The following CNNM2 variants were observed in gnomAD, a reference collection of about 807,000 sequenced individuals.
The protein encoded by CNNM2 is metal transporter CNNM2.
In CNNM2, 12 loss-of-function variants were observed where a neutral mutation model predicts 66.9. That is an observed-to-expected ratio of 0.18 (90% confidence interval 0.11 to 0.29). The LOEUF (loss-of-function observed/expected upper bound fraction) is 0.29, where lower values mean the gene tolerates loss of function less well. Ranked by LOEUF, CNNM2 falls within the 10% of genes least tolerant of loss-of-function variation. CNNM2 has a pLI of 1.00. For missense variants in CNNM2, 705 were observed against 1,167.7 expected (o/e 0.60, Z 5.77); for synonymous variants, 557 against 501.8 (o/e 1.11, Z -1.47).
intron 5 of CNNM2, among the ~76,000 whole-genome samples, chr10:103,069,545 G>A (rs537360377): frequency 3.2e-4 from 48 of 152,314 alleles, no homozygotes; most frequent in Non-Finnish European, 5.3e-4. Flanking sequence ...GCCTGTGGCC[G>A]GCTCTTGTCT....
At chr10:103,071,518 T>C (rs538083312) in intron 5 of CNNM2, among the ~76,000 whole-genome samples, 3 of 152,300 alleles carry the variant, frequency 2.0e-5, no homozygotes, top group Admixed American at 1.3e-4. Flanking sequence ...CAATTGGTTA[T>C]TAGTGGCTTA....
chr10:103,002,889 A>G (rs750313152), intron 1 of CNNM2, among the ~76,000 whole-genome samples: 43 of 152,176 alleles, frequency 2.8e-4, no homozygotes, highest in Non-Finnish European at 5.4e-4. Flanking sequence ...TGACCCTGCA[A>G]TTCTGCTACT....
At chr10:103,041,979 C>T (rs2065048331) in intron 1 of CNNM2, among the ~76,000 whole-genome samples, 1 of 152,206 alleles carries the variant, frequency 6.6e-6, no homozygotes. Context: ...TAGCTTACCT[C>T]TGTGTCTCTC....
chr10:102,999,093 C>T (rs574527932), intron 1 of CNNM2, among the ~76,000 whole-genome samples: 20 of 147,426 alleles, frequency 1.4e-4, no homozygotes, highest in African/African-American at 4.2e-4. Flanking sequence ...TTTTTTGAGA[C>T]GGAGTCTTGC....
At chr10:103,063,833 T>C (rs903084003) in intron 4 of CNNM2, among the ~76,000 whole-genome samples, 3 of 152,200 alleles carry the variant, frequency 2.0e-5, no homozygotes, top group African/African-American at 4.8e-5. Context: ...GTAAAATCAA[T>C]ATGTAGCTTC....
intron 1 of CNNM2, among the ~76,000 whole-genome samples, chr10:102,941,638 C>T (rs1265719547): frequency 6.6e-6 from 1 of 152,192 alleles, no homozygotes; most frequent in Non-Finnish European, 1.5e-5. Flanking sequence ...CGCCAGATAG[C>T]TTTGCAGCTT....
In CNNM2 at chr10:102,947,977, C is replaced by T. The variant is rs149177817; in HGVS notation, c.1621+27876C>T. On this transcript the variant is annotated intron_variant, in intron 1 of 7. Coordinates refer to ENST00000369878, the MANE Select transcript of CNNM2 (RefSeq NM_017649.5). ...CTGGGGCAGGAGAATGGCGTGAACC[C>T]GGGAGGTGGAGCTTGCAGTGAGCCG... 0.019 allele frequency among the ~76,000 whole-genome samples: 2,946 copies of T among 151,832 alleles called. 68 individuals carry two copies. The highest frequency in any genetic ancestry group is 0.12 in the South Asian group (574 of 4,806).
chr10:103,008,794 A>AAC (rs1554898213), intron 1 of CNNM2, among the ~76,000 whole-genome samples: 1 of 151,494 alleles, frequency 6.6e-6, no homozygotes, highest in Admixed American at 6.6e-5. Flanking sequence ...AAAAAAAAAA[A>AAC]AAAACCCAAA....
At chr10:102,979,473 C>T (rs999802541) in intron 1 of CNNM2, among the ~76,000 whole-genome samples, 8 of 152,210 alleles carry the variant, frequency 5.3e-5, no homozygotes, top group African/African-American at 1.9e-4. Flanking sequence ...TCACAGGTCA[C>T]TAACATATGT....
chr10:102,972,959 G>C (rs1044175117), intron 1 of CNNM2, among the ~76,000 whole-genome samples: 2 of 152,144 alleles, frequency 1.3e-5, no homozygotes, highest in South Asian at 4.1e-4. Context: ...TATTTCATTG[G>C]TTGAAAGATG....
chr10:102,943,863 A>C (rs958060950), intron 1 of CNNM2, among the ~76,000 whole-genome samples: 3 of 152,182 alleles, frequency 2.0e-5, no homozygotes, highest in Non-Finnish European at 4.4e-5. Flanking sequence ...CATCCTAAAG[A>C]GTACTTAGTT....
intron 1 of CNNM2, among the ~76,000 whole-genome samples, chr10:102,929,728 A>C (rs1268888033): frequency 6.6e-6 from 1 of 152,176 alleles, no homozygotes; most frequent in Admixed American, 6.5e-5. Context: ...ACATTTAGAC[A>C]GTTTCCACTT....
chr10:103,026,569 C>CT (rs1307495983), intron 1 of CNNM2, among the ~76,000 whole-genome samples: 2 of 131,418 alleles, frequency 1.5e-5, no homozygotes, highest in African/African-American at 2.9e-5. Flanking sequence ...CCACTGCACT[C>CT]TAGCCTTAGG....
At chr10:103,060,072 G>T (rs2065358620) in intron 4 of CNNM2, among the ~76,000 whole-genome samples, 1 of 152,152 alleles carries the variant, frequency 6.6e-6, no homozygotes, top group Admixed American at 6.5e-5. Context: ...AGGTGTTGGA[G>T]GCTGCAGTGA....
chr10:102,950,197 G>T (rs1333761702), intron 1 of CNNM2, among the ~76,000 whole-genome samples: 1 of 152,132 alleles, frequency 6.6e-6, no homozygotes, highest in Non-Finnish European at 1.5e-5. Flanking sequence ...GAGCATAGGC[G>T]TTGTCAGGCA....
At chr10:102,981,012 C>G (rs1288732545) in intron 1 of CNNM2, among the ~76,000 whole-genome samples, 1 of 152,124 alleles carries the variant, frequency 6.6e-6, no homozygotes, top group African/African-American at 2.4e-5. Flanking sequence ...CCTGTGCTGG[C>G]TCTGTACTGC....
chr10:102,986,167 G>A (rs1487988283), intron 1 of CNNM2, among the ~76,000 whole-genome samples: 4 of 152,144 alleles, frequency 2.6e-5, no homozygotes, highest in African/African-American at 9.7e-5. Context: ...GTGTGTAAAA[G>A]GCTTAGGGTA....
At position 103,065,378 on chromosome 10, in the gene CNNM2, G is replaced by T. The variant is rs2065459209; in HGVS notation, c.2074-3251G>T. Among the ~76,000 whole-genome samples the T allele has an allele frequency of 4.6e-5, 7 of 152,276 alleles. No homozygotes were observed. In the South Asian group the frequency reaches 1.5e-3, roughly 32 times the overall value. On this transcript the variant is annotated intron_variant, in intron 4 of 7. Coordinates refer to ENST00000369878, the MANE Select transcript of CNNM2 (RefSeq NM_017649.5). Reference sequence around the variant, plus strand: ...GGCCGGAGCCAGAGTCGGTAATCTGGGAATCTCTGCTTTGAGTGTGCAAGG... The same window carrying T: ...GGCCGGAGCCAGAGTCGGTAATCTGTGAATCTCTGCTTTGAGTGTGCAAGG...
chr10:102,983,221 T>C (rs2063743314), intron 1 of CNNM2, among the ~76,000 whole-genome samples: 1 of 151,454 alleles, frequency 6.6e-6, no homozygotes, highest in Non-Finnish European at 1.5e-5. Flanking sequence ...TTTTGTGTTT[T>C]GCTTTTTTGA....
Sources: gnomAD v4.1 joint callset for allele counts (sites outside exome capture counted in the v4.1 genomes callset) on GRCh38, gnomAD v4.1.1 for gene constraint, MANE v1.5 for transcripts, NCBI Gene and HGNC (gene_info 2026-07-23, HGNC 2026-07-21) for gene names.